Variants in THAP8 observed in about 807,000 individuals in gnomAD.
The protein encoded by THAP8 is THAP domain containing 8, also known as THAP domain-containing protein 8.
In THAP8, 24 loss-of-function variants were observed where a neutral mutation model predicts 25.0. The ratio of observed to expected loss-of-function variants is 0.96; its 90% CI spans 0.69 to 1.35. The LOEUF (loss-of-function observed/expected upper bound fraction) is 1.35, where lower values mean the gene tolerates loss of function less well. Among genes scored for constraint, THAP8 ranks in the 40% most tolerant of loss-of-function variants. THAP8 has a pLI of 0.00. For synonymous variants in THAP8, 169 were observed against 157.6 expected, an observed-to-expected ratio of 1.07 and a Z score of -0.54; for missense variants, 399 against 368.8, an observed-to-expected ratio of 1.08 and a Z score of -0.67.
chr19:36,049,632 T>C (rs2145457110), intron 1 of THAP8, among the ~76,000 whole-genome samples: 1 of 152,212 alleles, frequency 6.6e-6, no homozygotes, highest in African/African-American at 2.4e-5. Flanking sequence ...GTGATTTTTA[T>C]ACAGTCATCT....
rs146643477 is a variant in THAP8 at position 36,047,763 on chromosome 19, G to C, written c.83+6372C>G. Among the ~76,000 whole-genome samples, 204 of 151,866 alleles carry C rather than the reference G, an allele frequency of 1.3e-3. 2 individuals carry two copies. The highest frequency in any genetic ancestry group is 4.8e-3 in the African/African-American group (200 of 41,416). Reference sequence around the variant, plus strand: ...GAGAATCCCTAGAACCCAGGAGGTGGAAGTTGCAGTGAGCTGAGACTGTGC... The same window carrying C: ...GAGAATCCCTAGAACCCAGGAGGTGCAAGTTGCAGTGAGCTGAGACTGTGC... On this transcript the variant is annotated intron_variant, in intron 1 of 3. Transcript: ENST00000292894.
intron 1 of THAP8, among the ~76,000 whole-genome samples, chr19:36,049,752 A>G (rs74826329): frequency 0.043 from 6,483 of 152,254 alleles, 346 homozygotes; most frequent in African/African-American, 0.13. Context: ...TTGTTATGAG[A>G]GAGGTAAGAG....
chr19:36,054,011 G>A, intron 1 of THAP8, 124 bp downstream of exon 1: 1 of 1,083,178 alleles, frequency 9.2e-7, no homozygotes. Context: ...ATCTCCTCAT[G>A]GTTTAACCCC....
intron 1 of THAP8, among the ~76,000 whole-genome samples, chr19:36,052,613 A>C (rs1184349428): frequency 6.6e-6 from 1 of 152,236 alleles, no homozygotes; most frequent in Non-Finnish European, 1.5e-5. Flanking sequence ...TAAAGGGATC[A>C]ATATCAGGTC....
At chr19:36,049,750 A>T (rs1159041667) in intron 1 of THAP8, among the ~76,000 whole-genome samples, 1 of 152,198 alleles carries the variant, frequency 6.6e-6, no homozygotes, top group Admixed American at 6.5e-5. Context: ...TGTTGTTATG[A>T]GAGAGGTAAG....
At chr19:36,040,921 G>T (rs992864917) in intron 1 of THAP8, among the ~76,000 whole-genome samples, 2 of 152,134 alleles carry the variant, frequency 1.3e-5, no homozygotes, top group Non-Finnish European at 2.9e-5. Flanking sequence ...CAGCACAAAC[G>T]CAGGATGTGG....
At chr19:36,046,325 A>C (rs771762755) in intron 1 of THAP8, among the ~76,000 whole-genome samples, 4 of 152,230 alleles carry the variant, frequency 2.6e-5, no homozygotes, top group Non-Finnish European at 5.9e-5. Context: ...TAAGTCCATT[A>C]AACCTCTTTC....
At chr19:36,054,404 C>G (rs574036895), upstream of THAP8, 1 of 662,376 alleles carries the variant, frequency 1.5e-6, no homozygotes, top group Non-Finnish European at 2.6e-6. Context: ...GTGCCACAGT[C>G]CCGCCCTCGT....
intron 1 of THAP8, among the ~76,000 whole-genome samples, chr19:36,043,393 C>T (rs1459457466): frequency 6.6e-6 from 1 of 152,016 alleles, no homozygotes; most frequent in Non-Finnish European, 1.5e-5. Flanking sequence ...TGCCAAGAGC[C>T]TGGGGGAGAG....
chr19:36,044,535 G>A (rs988636399), intron 1 of THAP8, among the ~76,000 whole-genome samples: 1 of 152,004 alleles, frequency 6.6e-6, no homozygotes, highest in African/African-American at 2.4e-5. Flanking sequence ...TGTTGCCCAG[G>A]CTAAAGTGCA....
In THAP8 at chr19:36,035,501, G is replaced by A. The variant is rs573924750; in HGVS notation, c.764C>T (p.Pro255Leu). The A allele has an allele frequency of 3.7e-5, 60 of 1,614,206 alleles. No homozygotes were observed. In the African/African-American group the frequency reaches 5.5e-4, roughly 15 times the overall value. Reference sequence around the variant, plus strand: ...CTTGGCATCCACTGTGGCAGGTGCAGGGTCCTGGGCAAGGACCATGGCTAT... The same window carrying A: ...CTTGGCATCCACTGTGGCAGGTGCAAGGTCCTGGGCAAGGACCATGGCTAT... ...PDIAMVLAQDPAPATVDAKPE... is the reference protein window; with the variant it reads ...PDIAMVLAQDLAPATVDAKPE... The change falls in exon 4 of 4, where the codon CCT becomes CTT. Residue 255 changes from proline to leucine, a missense_variant. Pro to Leu is a moderately conservative substitution (Grantham distance 98, BLOSUM62 -3). Transcript: ENST00000292894.
chr19:36,052,861 T>C (rs535899617), intron 1 of THAP8, among the ~76,000 whole-genome samples: 9 of 152,314 alleles, frequency 5.9e-5, no homozygotes, highest in African/African-American at 2.2e-4. Flanking sequence ...AGTTTCCTAC[T>C]AAGAAAGCAG....
At chr19:36,050,489 G>A (rs1165369113) in intron 1 of THAP8, among the ~76,000 whole-genome samples, 1 of 152,156 alleles carries the variant, frequency 6.6e-6, no homozygotes, top group Non-Finnish European at 1.5e-5. Context: ...TTTCTCATTT[G>A]TGTTTATAAC....
intron 1 of THAP8, among the ~76,000 whole-genome samples, chr19:36,044,132 C>T (rs1307806027): frequency 6.6e-6 from 1 of 152,100 alleles, no homozygotes; most frequent in Admixed American, 6.5e-5. Flanking sequence ...GGGGTGGCCA[C>T]ATGATCAAAT....
chr19:36,038,544 C>A (rs1462054202), intron 3 of THAP8, among the ~76,000 whole-genome samples: 1 of 152,086 alleles, frequency 6.6e-6, no homozygotes, highest in Non-Finnish European at 1.5e-5. Flanking sequence ...TGAGCCACTG[C>A]ATTTTTTAAA....
Position 36,035,593 on chromosome 19 carries a change from C to CTA in THAP8, c.673-3_673-2dup. On this transcript the variant is annotated splice_acceptor_variant, in intron 3 of 3. Transcript: ENST00000292894. LOFTEE classifies it high-confidence loss of function. ...CAGGTCCAAGGGTCTGGGCTGTTGT[C>CTA]TAAGGCAAAGAAGTGGTAGAGATGG... 1 of 1,612,488 alleles carries CTA rather than the reference C, an allele frequency of 6.2e-7. No individual in the cohort carries two copies. The highest frequency in any genetic ancestry group is 1.1e-5 in the South Asian group (1 of 90,938).
chr19:36,037,378 A>ACACACACG, intron 3 of THAP8, among the ~76,000 whole-genome samples: 1 of 150,108 alleles, frequency 6.7e-6, no homozygotes, highest in South Asian at 2.1e-4. Flanking sequence ...ACACACACAC[A>ACACACACG]CACCCAGCAG....
chr19:36,047,143 A>G (rs1969907167), intron 1 of THAP8, among the ~76,000 whole-genome samples: 1 of 152,090 alleles, frequency 6.6e-6, no homozygotes, highest in Non-Finnish European at 1.5e-5. Flanking sequence ...CTATACCCCC[A>G]TGTTCCCCTT....
chr19:36,046,384 C>G (rs1304400215), intron 1 of THAP8, among the ~76,000 whole-genome samples: 2 of 152,274 alleles, frequency 1.3e-5, no homozygotes, highest in Middle Eastern at 6.8e-3. Flanking sequence ...AGTGTGAGAA[C>G]AGACTAAGAC....
Sources: allele counts gnomAD v4.1 joint callset (sites outside exome capture counted in the v4.1 genomes callset), GRCh38; gene constraint gnomAD v4.1.1; transcripts MANE v1.5; gene names NCBI Gene and HGNC (gene_info 2026-07-23, HGNC 2026-07-21).